PRR27: variants seen among roughly 807,000 people sequenced by gnomAD.
The protein encoded by PRR27 is proline-rich protein 27.
In PRR27, 12 loss-of-function variants were observed where a neutral mutation model predicts 16.8. The ratio of observed to expected loss-of-function variants is 0.71; its 90% CI spans 0.46 to 1.16. The LOEUF is 1.16. PRR27 is among the 50% of genes most tolerant of loss of function. The pLI, the probability that PRR27 is intolerant of heterozygous loss-of-function variation, is 0.00. For missense variants in PRR27, 277 were observed against 273.3 expected (o/e 1.01, Z -0.10); for synonymous variants, 100 against 98.4 (o/e 1.02, Z -0.10).
chr4:70,154,695 G>C, intron 1 of PRR27: 19 of 1,296,312 alleles, frequency 1.5e-5, no homozygotes, highest in Non-Finnish European at 2.0e-5. Context: ...TTATAGAAAA[G>C]CAGGATCCCA....
In PRR27 at chr4:70,166,289, A is replaced by G. The variant is rs2109797845; in HGVS notation, c.*3628A>G. 6.6e-6 allele frequency: 1 copy of G among 152,162 alleles called. No homozygotes were observed. Among genetic ancestry groups the G allele is most frequent in the African/African-American group, 2.4e-5 (1 of 41,558 alleles). The allele number at this position is 152,162 out of a possible 1,614,324, so 9.4% of individuals were successfully genotyped here. On this transcript the variant is annotated 3_prime_UTR_variant, in exon 5 of 5. Transcript: ENST00000344526. ...CTAATTTAAGTTAATTATAGGCCTT[A>G]TCTCAGACCTTTGCAAGTAGCCTGA...
At chr4:70,162,000 C>A (rs894216138) in intron 4 of PRR27, among the ~76,000 whole-genome samples, 1 of 152,036 alleles carries the variant, frequency 6.6e-6, no homozygotes, top group African/African-American at 2.4e-5. Context: ...GTATGCTATC[C>A]CTTCAGCCAC....
chr4:70,154,400 A>T lies in PRR27; in HGVS notation c.25A>T (p.Ile9Phe). 6.2e-7 allele frequency: 1 copy of T among 1,613,072 alleles called. No individual in the cohort carries two copies. Among genetic ancestry groups the T allele is most frequent in the Non-Finnish European group, 8.5e-7 (1 of 1,179,202 alleles). The change falls in exon 1 of 5, where the codon ATT (isoleucine) becomes TTT (phenylalanine). Residue 9 changes from isoleucine to phenylalanine, a missense_variant. Transcript: ENST00000344526. ...AATGAAGCTTCTCCTTTGGGCCTGC[A>T]TTGTATGTGTTGCTTTTGCAAGGAA... Reference protein sequence around the residue: MKLLLWACIVCVAFARKRR... With the variant: MKLLLWACFVCVAFARKRR...
At chr4:70,161,907 A>G (rs1031562453) in intron 4 of PRR27, among the ~76,000 whole-genome samples, 4 of 152,238 alleles carry the variant, frequency 2.6e-5, no homozygotes, top group Non-Finnish European at 5.9e-5. Flanking sequence ...AGTAGTTAAT[A>G]TAGGTAAAAA....
chr4:70,161,930 GA>G (rs774134195), intron 4 of PRR27, among the ~76,000 whole-genome samples: 3 of 152,158 alleles, frequency 2.0e-5, no homozygotes, highest in Non-Finnish European at 4.4e-5. Context: ...TTTAACGTGG[GA>G]AAAGAGGGTT....
intron 2 of PRR27, among the ~76,000 whole-genome samples, chr4:70,156,595 C>T (rs955992027): frequency 6.6e-6 from 1 of 152,142 alleles, no homozygotes; most frequent in Non-Finnish European, 1.5e-5. Context: ...CTCTATGAGA[C>T]CAAAGCACAT....
Position 70,158,459 on chromosome 4 carries a change from C to A in PRR27, c.207C>A (p.Asp69Glu). 1 of 1,614,038 alleles carries A rather than the reference C, an allele frequency of 6.2e-7. No individual in the cohort carries two copies. Among genetic ancestry groups the A allele is most frequent in the Non-Finnish European group, 8.5e-7 (1 of 1,179,930 alleles). ...GTTACCCTGGGAATACTTACACTGA[C>A]ACAGGGTTACCTTCGTATCCCTGGA... The part of the protein sequence containing the change: ...VPSYPGNTYT[D>E]TGLPSYPWIL... Residue 69 changes from aspartate (D) to glutamate (E), a missense_variant, in exon 3 of 5, where the codon GAC becomes GAA. Physicochemically the swap from Asp to Glu is conservative, Grantham distance 45 (BLOSUM62 2). Coordinates refer to ENST00000344526, the MANE Select transcript of PRR27 (RefSeq NM_214711.4).
chr4:70,159,994 C>A (rs1728601580), intron 3 of PRR27, among the ~76,000 whole-genome samples: 1 of 151,474 alleles, frequency 6.6e-6, no homozygotes, highest in Non-Finnish European at 1.5e-5. Context: ...TATAATTAAT[C>A]AATACTCATT....
At position 70,165,829 on chromosome 4, in the gene PRR27, T is replaced by C. The variant is rs1451546916; in HGVS notation, c.*3168T>C. 1 of 152,112 alleles carries C rather than the reference T, an allele frequency of 6.6e-6. No individual in the cohort carries two copies. The highest frequency in any genetic ancestry group is 6.6e-5 in the Admixed American group (1 of 15,258). The allele number at this position is 152,112 out of a possible 1,614,324, so 9.4% of individuals were successfully genotyped here. A position where few individuals can be genotyped will look rare whatever the true frequency, so the allele number is the denominator to read the frequency against. On this transcript the variant is annotated 3_prime_UTR_variant, in exon 5 of 5. Transcript: ENST00000344526. ...TATTCGCATTTACGATTAAGAAATG[T>C]TCACACCTTCACACTGGTATCAACT... is the stretch of plus-strand genomic sequence containing the variant.
chr4:70,158,183 T>C (rs1728534485), intron 2 of PRR27, 145 bp from the exon 3 acceptor site: 4 of 590,808 alleles, frequency 6.8e-6, no homozygotes, highest in East Asian at 2.7e-5. Flanking sequence ...TTCAAAAATA[T>C]GGAAGTACAC....
rs1009745269 is a variant in PRR27, at chr4:70,163,891, T to A, written c.*1230T>A. 6.6e-6 allele frequency: 1 copy of A among 151,912 alleles called. No individual in the cohort carries two copies. The highest frequency in any genetic ancestry group is 1.5e-5 in the Non-Finnish European group (1 of 68,016). The allele number at this position is 151,912 out of a possible 1,614,324, so 9.4% of individuals were successfully genotyped here. On this transcript the variant is annotated 3_prime_UTR_variant, in exon 5 of 5. Coordinates refer to ENST00000344526, the MANE Select transcript of PRR27 (RefSeq NM_214711.4). ...ATGCTCCTCATGCAGCAGCTTTTTT[T>A]TTTTTTTCCTTTTTCAAATATGTTG...
At chr4:70,158,216 T>A (rs539848913) in intron 2 of PRR27, 112 bp from the exon 3 acceptor site, 1 of 723,302 alleles carries the variant, frequency 1.4e-6, no homozygotes, top group African/African-American at 1.8e-5. Context: ...AGATAAGACA[T>A]TGGAATTCTT....
Position 70,164,443 on chromosome 4 carries a change from C to A in PRR27, c.*1782C>A, listed in dbSNP as rs1728720926. ...TTATGTATAGCCATGAGGACATGGT[C>A]TCAAAAAATGAGAAACTTTCTTAGA... On this transcript the variant is annotated 3_prime_UTR_variant, in exon 5 of 5. Coordinates refer to ENST00000344526, the MANE Select transcript of PRR27 (RefSeq NM_214711.4). 1 of 152,082 alleles carries A rather than the reference C, an allele frequency of 6.6e-6. No individual in the cohort carries two copies. The highest frequency in any genetic ancestry group is 1.5e-5 in the Non-Finnish European group (1 of 67,986). 9.4% of individuals were successfully genotyped at this position (152,082 alleles called of 1,614,324 possible).
chr4:70,156,950 T>C (rs1218708434), intron 2 of PRR27, among the ~76,000 whole-genome samples: 1 of 152,202 alleles, frequency 6.6e-6, no homozygotes, highest in Non-Finnish European at 1.5e-5. Flanking sequence ...TGCAGGTTTG[T>C]TACATATGTA....
rs76300487 is a variant in PRR27, at chr4:70,161,537, A to G, written c.649-49A>G. 1.8e-3 allele frequency: 2,306 copies of G among 1,246,652 alleles called. 34 individuals are homozygous for G. In the African/African-American group the frequency reaches 0.032, roughly 17 times the overall value. The allele number at this position is 1,246,652 out of a possible 1,614,324, so 77.2% of individuals were successfully genotyped here. A position where few individuals can be genotyped will look rare whatever the true frequency, so the allele number is the denominator to read the frequency against. On this transcript the variant is annotated intron_variant, in intron 3 of 4. Transcript: ENST00000344526. ...AAGATAGGCCCAATACTATGAAATA[A>G]AGTACATTTGATTGTTTATGAAAAG...
At chr4:70,160,133 T>A (rs1330296760) in intron 3 of PRR27, among the ~76,000 whole-genome samples, 1 of 152,138 alleles carries the variant, frequency 6.6e-6, no homozygotes, top group Non-Finnish European at 1.5e-5. Context: ...AGAGAATGGA[T>A]CCCTTCTCCC....
At chr4:70,158,933 T>C (rs753422931) in intron 3 of PRR27, 33 bp downstream of exon 3, 4 of 1,541,080 alleles carry the variant, frequency 2.6e-6, no homozygotes, top group Middle Eastern at 3.5e-4. Context: ...CTATAATGTA[T>C]GAGAAATGAG....
rs1358503980 is a variant in PRR27, at chr4:70,154,813, G to C, written c.51+387G>C. On this transcript the variant is annotated intron_variant, in intron 1 of 4. Transcript: ENST00000344526. ...GGAGGTATTTATGTACAGACATTAG[G>C]GATACTTGATGGAATAGAAGTAAAT... The C allele has an allele frequency of 1.2e-5, 15 of 1,273,256 alleles. No individual in the cohort carries two copies. The East Asian group carries it at 8.1e-4, about 69-fold the overall frequency. 78.9% of individuals were successfully genotyped at this position (1,273,256 alleles called of 1,614,324 possible).
chr4:70,162,313 TTGAAAAGCAAA>T (rs1333965539), intron 4 of PRR27, among the ~76,000 whole-genome samples: 1 of 152,198 alleles, frequency 6.6e-6, no homozygotes, highest in African/African-American at 2.4e-5. Context: ...TAAAGTAGAA[TTGAAAAGCAAA>T]TGTGATGGTA....
Sources: gnomAD v4.1 joint callset for allele counts (sites outside exome capture counted in the v4.1 genomes callset) on GRCh38, gnomAD v4.1.1 for gene constraint, MANE v1.5 for transcripts, NCBI Gene and HGNC (gene_info 2026-07-23, HGNC 2026-07-21) for gene names.